IPO8: variants seen among roughly 807,000 people sequenced by gnomAD.
The protein encoded by IPO8 is importin 8, also known as importin-8.
A neutral mutation model predicts 141.2 loss-of-function variants in IPO8; 65 were observed. The ratio of observed to expected loss-of-function variants is 0.46; its 90% CI spans 0.38 to 0.57. The LOEUF (loss-of-function observed/expected upper bound fraction) is 0.57. Among genes scored for constraint, IPO8 ranks in the 20% least tolerant of loss-of-function variants. The pLI is 0.00. For missense variants in IPO8, 980 were observed against 1,246.8 expected (o/e 0.79, Z 3.22); for synonymous variants, 411 against 420.3 (o/e 0.98, Z 0.27).
rs1189881281 is a variant in IPO8 at position 30,634,123 on chromosome 12, A to G, written c.2859T>C (p.Asn953=). The G allele has an allele frequency of 6.2e-7, 1 of 1,613,962 alleles. No individual in the cohort carries two copies. Among genetic ancestry groups the G allele is most frequent in the Non-Finnish European group, 8.5e-7 (1 of 1,179,892 alleles). The change falls in exon 23 of 25, where the codon AAT becomes AAC. Residue 953 remains asparagine, a synonymous_variant. Transcript: ENST00000256079. The part of the protein sequence containing the change: ...EGFSTPLDLD[N]SVDEYQFFTQ... ...TAAAAAACTGATATTCATCCACACT[A>G]TTGTCAAGGTCAAGTGGAGTACTGA...
chr12:30,672,354 A>C (rs1299260831), intron 8 of IPO8, among the ~76,000 whole-genome samples: 1 of 152,208 alleles, frequency 6.6e-6, no homozygotes, highest in Non-Finnish European at 1.5e-5. Flanking sequence ...CTGTGATGCA[A>C]GCTAGAAATG....
intron 16 of IPO8, among the ~76,000 whole-genome samples, chr12:30,658,063 G>A (rs1342000404): frequency 2.0e-5 from 3 of 151,950 alleles, no homozygotes; most frequent in South Asian, 4.2e-4. Flanking sequence ...AATCTATGAC[G>A]GGTTACATTT....
intron 5 of IPO8, chr12:30,677,136 G>C (rs1415803355): frequency 1.4e-6 from 2 of 1,404,852 alleles, no homozygotes; most frequent in South Asian, 1.2e-5. Flanking sequence ...TAATAAGATA[G>C]ACAATCTTTG....
chr12:30,673,733 T>A (rs1371086895), intron 8 of IPO8, among the ~76,000 whole-genome samples: 2 of 152,204 alleles, frequency 1.3e-5, no homozygotes, highest in Non-Finnish European at 2.9e-5. Context: ...TACACCACTA[T>A]CAACTTAAAA....
chr12:30,661,317 C>G, intron 15 of IPO8, 51 bp from the exon 16 acceptor site: 3 of 1,478,040 alleles, frequency 2.0e-6, no homozygotes, highest in Non-Finnish European at 2.7e-6. Flanking sequence ...TGTTACGTCC[C>G]CGCTTTACAA....
intron 3 of IPO8, 152 bp downstream of exon 3, chr12:30,684,149 T>G (rs2053216297): frequency 1.6e-6 from 1 of 620,228 alleles, no homozygotes; most frequent in Admixed American, 3.3e-5. Context: ...CAAAGACCAC[T>G]AAGTAAAATA....
At chr12:30,690,378 T>A in intron 2 of IPO8, 118 bp downstream of exon 2, 5 of 653,246 alleles carry the variant, frequency 7.7e-6, no homozygotes, top group Non-Finnish European at 1.3e-5. Context: ...TGGAAATACT[T>A]CATGAGTGCT....
chr12:30,636,031 C>A (rs1044703384), intron 22 of IPO8, among the ~76,000 whole-genome samples: 7 of 151,826 alleles, frequency 4.6e-5, no homozygotes, highest in African/African-American at 1.5e-4. Flanking sequence ...CAAAACAAAA[C>A]AAAAATCACA....
At chr12:30,669,500 A>T (rs2053018098) in intron 9 of IPO8, among the ~76,000 whole-genome samples, 1 of 152,062 alleles carries the variant, frequency 6.6e-6, no homozygotes, top group South Asian at 2.1e-4. Flanking sequence ...ATGTATTAAC[A>T]ATATTAAAGG....
chr12:30,695,445 T>G lies in IPO8; in HGVS notation c.84+119A>C. The G allele has an allele frequency of 2.5e-6, 2 of 799,324 alleles. No homozygotes were observed. The highest frequency in any genetic ancestry group is 4.1e-6 in the Non-Finnish European group (2 of 484,752). 49.5% of individuals were successfully genotyped at this position (799,324 alleles called of 1,614,324 possible). On this transcript the variant is annotated intron_variant, in intron 1 of 24. Transcript: ENST00000256079. The surrounding 1 kb of genome is among the most constrained non-coding windows in gnomAD (Gnocchi z 4.2). ...CGGGGTCGGAGAGCGGGACCAGCCG[T>G]GAGGCGTCAGCCCCAGCCCGGTGGG...
chr12:30,639,282 TA>T (rs924225509), intron 21 of IPO8, among the ~76,000 whole-genome samples: 13 of 151,334 alleles, frequency 8.6e-5, no homozygotes, highest in Non-Finnish European at 1.5e-4. Flanking sequence ...AAAAAATAAA[TA>T]AAAAAAATAA....
At position 30,671,062 on chromosome 12, in the gene IPO8, T is replaced by G. The variant is rs200130363; in HGVS notation, c.944A>C (p.Lys315Thr). ...LLKILDQYRQKEYVAPRVLQQ... is the reference protein window; with the variant it reads ...LLKILDQYRQTEYVAPRVLQQ... Reference sequence around the variant, plus strand: ...AAGAACACGGGGAGCTACATATTCTTTCTGTCTATATTGATCTAAAATTTT... The same window carrying G: ...AAGAACACGGGGAGCTACATATTCTGTCTGTCTATATTGATCTAAAATTTT... The change falls in exon 9 of 25, where the codon AAA becomes ACA. Residue 315 changes from lysine to threonine, a missense_variant. By Grantham distance (78) the Lys-to-Thr change is moderately conservative (BLOSUM62 -1). Transcript: ENST00000256079. 2 of 1,606,290 alleles carry G rather than the reference T, an allele frequency of 1.2e-6. No homozygotes were observed. The highest frequency in any genetic ancestry group is 2.2e-5 in the East Asian group (1 of 44,814).
At chr12:30,636,871 A>G in intron 22 of IPO8, 111 bp downstream of exon 22, 2 of 870,812 alleles carry the variant, frequency 2.3e-6, no homozygotes, top group Non-Finnish European at 1.8e-6. Context: ...TATGTGTAGC[A>G]GGCCGAAGAA....
Position 30,695,496 on chromosome 12 carries a change from A to G in IPO8, c.84+68T>C. ...GGTGAGGACGAGGGGCGCCGGGGAG[A>G]GGGAGCCCGGCCAGCCGGCAGGGGC... On this transcript the variant is annotated intron_variant, in intron 1 of 24. Transcript: ENST00000256079. The surrounding 1 kb of genome is among the most constrained non-coding windows in gnomAD (Gnocchi z 4.2). The G allele has an allele frequency of 7.2e-7, 1 of 1,391,876 alleles. No individual in the cohort carries two copies. Among genetic ancestry groups the G allele is most frequent in the African/African-American group, 1.4e-5 (1 of 70,482 alleles). 86.2% of individuals were successfully genotyped at this position (1,391,876 alleles called of 1,614,324 possible). A position where few individuals can be genotyped will look rare whatever the true frequency, so the allele number is the denominator to read the frequency against.
intron 22 of IPO8, among the ~76,000 whole-genome samples, chr12:30,635,903 C>T (rs1158251019): frequency 6.6e-6 from 1 of 151,898 alleles, no homozygotes. Context: ...AATTTTCCCT[C>T]AAGCCATACA....
At chr12:30,664,158 G>A (rs1045420406) in intron 13 of IPO8, among the ~76,000 whole-genome samples, 2 of 152,034 alleles carry the variant, frequency 1.3e-5, no homozygotes, top group African/African-American at 4.8e-5. Flanking sequence ...TACTCTCTGT[G>A]TGCATCAAAC....
chr12:30,642,197 C>A (rs1223551538), intron 20 of IPO8, among the ~76,000 whole-genome samples: 2 of 151,608 alleles, frequency 1.3e-5, no homozygotes, highest in Non-Finnish European at 2.9e-5. Context: ...AGCGAGACTT[C>A]ATCTCAAAAA....
rs1219261941 is a variant in IPO8, at chr12:30,666,219, C to T, written c.1177G>A (p.Ala393Thr). ...IFEDYASPTT[A>T]AQTLLYTAAK... ...GCAGTATATAAGAGAGTCTGGGCTG[C>T]TGTGGTGGGAGAAGCATAATCTTCA... Residue 393 changes from alanine (A) to threonine (T), a missense_variant, in exon 11 of 25, where the codon GCA (alanine) becomes ACA (threonine). By Grantham distance (58) the Ala-to-Thr change is moderately conservative (BLOSUM62 0). Coordinates refer to ENST00000256079, the MANE Select transcript of IPO8 (RefSeq NM_006390.4). 9 of 1,594,440 alleles carry T rather than the reference C, an allele frequency of 5.6e-6. No individual in the cohort carries two copies. The highest frequency in any genetic ancestry group is 6.8e-6 in the Non-Finnish European group (8 of 1,170,016).
rs143293802 is a variant in IPO8, at chr12:30,664,121, T to C, written c.1429-467A>G. ...GGTATAGATGATCACATTTTAACTATTAGACCACAGAATCATTATTATATT... is the reference window on the plus strand; with the variant it reads ...GGTATAGATGATCACATTTTAACTACTAGACCACAGAATCATTATTATATT... On this transcript the variant is annotated intron_variant, in intron 13 of 24. Coordinates refer to ENST00000256079, the MANE Select transcript of IPO8 (RefSeq NM_006390.4). 5.4e-3 allele frequency among the ~76,000 whole-genome samples: 828 copies of C among 152,278 alleles called. 7 individuals carry two copies. The highest frequency in any genetic ancestry group is 6.8e-3 in the Middle Eastern group (2 of 294).
Sources: allele counts gnomAD v4.1 joint callset (sites outside exome capture counted in the v4.1 genomes callset), GRCh38; gene constraint gnomAD v4.1.1; non-coding constraint Gnocchi (gnomAD v3.1); transcripts MANE v1.5; gene names NCBI Gene and HGNC (gene_info 2026-07-23, HGNC 2026-07-21).